The following ELP1 variants were observed in gnomAD, a reference collection of about 807,000 sequenced individuals.
ELP1 encodes elongator complex protein 1.
ELP1 carries 131 observed loss-of-function variants against 183.2 expected under a neutral mutation model. The observed-to-expected ratio is 0.72, with a 90% CI of 0.62 to 0.83. The LOEUF is 0.83. Among genes scored for constraint, ELP1 ranks in the 40% least tolerant of loss-of-function variants. The pLI is 0.00. For missense variants in ELP1, 1,550 were observed against 1,594.9 expected, an observed-to-expected ratio of 0.97 and a Z score of 0.48; for synonymous variants, 555 against 569.0, an observed-to-expected ratio of 0.98 and a Z score of 0.35.
intron 11 of ELP1, 63 bp downstream of exon 11, chr9:108,912,201 C>A: frequency 8.0e-7 from 1 of 1,251,484 alleles, no homozygotes; most frequent in Non-Finnish European, 1.2e-6. Context: ...CAAACCACCA[C>A]ATCTGCAGGC....
chr9:108,927,992 T>C (rs1829873319), intron 3 of ELP1, among the ~76,000 whole-genome samples: 1 of 152,146 alleles, frequency 6.6e-6, no homozygotes, highest in African/African-American at 2.4e-5. Flanking sequence ...GTAACTACAG[T>C]CAACAGTAAT....
At chr9:108,930,553 G>A (rs1340518886) in intron 2 of ELP1, among the ~76,000 whole-genome samples, 1 of 152,066 alleles carries the variant, frequency 6.6e-6, no homozygotes, top group Admixed American at 6.5e-5. Context: ...AGCCGGGCGC[G>A]GTGGCGGGCG....
chr9:108,912,299 G>A lies in ELP1; in HGVS notation c.1154C>T (p.Ser385Leu). 3 of 1,614,132 alleles carry A rather than the reference G, an allele frequency of 1.9e-6. No homozygotes were observed. Among genetic ancestry groups the A allele is most frequent in the Non-Finnish European group, 2.5e-6 (3 of 1,180,008 alleles). Residue 385 changes from serine (S) to leucine (L), a missense_variant, in exon 11 of 37, where the codon TCA becomes TTA. Coordinates refer to ENST00000374647, the MANE Select transcript of ELP1 (RefSeq NM_003640.5). ...WTTDRSVGDNSSDLSNVAVID... is the reference protein window; with the variant it reads ...WTTDRSVGDNLSDLSNVAVID... ...GACAGCCACATTGGACAAGTCACTT[G>A]AATTATCTCCCACGCTCCGGTCAGT... is the stretch of plus-strand genomic sequence containing the variant.
At chr9:108,891,003 T>G (rs1037832802) in intron 28 of ELP1, among the ~76,000 whole-genome samples, 200 bp downstream of exon 28, 1 of 152,196 alleles carries the variant, frequency 6.6e-6, no homozygotes, top group Admixed American at 6.5e-5. Flanking sequence ...GAAATAAACT[T>G]CTTTCCATAT....
At chr9:108,925,333 T>C (rs1829792936) in intron 5 of ELP1, among the ~76,000 whole-genome samples, 1 of 152,228 alleles carries the variant, frequency 6.6e-6, no homozygotes, top group Non-Finnish European at 1.5e-5. Context: ...ACTCACATTC[T>C]GCCACTTCAG....
intron 19 of ELP1, 132 bp downstream of exon 19, chr9:108,900,128 A>G: frequency 1.2e-6 from 1 of 818,186 alleles, no homozygotes; most frequent in Middle Eastern, 2.9e-4. Context: ...GCTAACAGAA[A>G]ACTATCAAGG....
intron 2 of ELP1, 88 bp downstream of exon 2, chr9:108,930,909 T>C (rs1829982087): frequency 7.8e-7 from 1 of 1,273,954 alleles, no homozygotes; most frequent in Middle Eastern, 2.0e-4. Context: ...CAATAAGATA[T>C]AAAGAAAGAC....
rs373837396 is a variant in ELP1, at chr9:108,896,561, A to G, written c.2671T>C (p.Tyr891His). 9 of 1,613,806 alleles carry G rather than the reference A, an allele frequency of 5.6e-6. No homozygotes were observed. The highest frequency in any genetic ancestry group is 7.6e-6 in the Non-Finnish European group (9 of 1,179,772). The change falls in exon 25 of 37, where the codon TAT (tyrosine) becomes CAT (histidine). Residue 891 changes from tyrosine to histidine, a missense_variant. By Grantham distance (83) the Tyr-to-His change is moderately conservative. Transcript: ENST00000374647. ...LLHLVDVNEL[Y>H]DHSLGTYDFD... Reference sequence around the variant, plus strand: ...TCATAGGTGCCAAGAGAATGATCATATAATTCATTAACATCTACCAGATGC... The same window carrying G: ...TCATAGGTGCCAAGAGAATGATCATGTAATTCATTAACATCTACCAGATGC...
Position 108,906,405 on chromosome 9 carries a change from A to G in ELP1, c.1541T>C (p.Phe514Ser). Residue 514 changes from phenylalanine (F) to serine (S), a missense_variant, in exon 14 of 37, where the codon TTC (phenylalanine) becomes TCC (serine). Phe to Ser is a radical substitution (Grantham distance 155, BLOSUM62 -2). Transcript: ENST00000374647. ...GAACTCACTGTGGCTTACAGCCAGG[A>G]AGACGTCTTCTTCAATCCAAGTGAG... ...GLLTWIEEDVFLAVSHSEFSP... is the reference protein window; with the variant it reads ...GLLTWIEEDVSLAVSHSEFSP... 6.2e-7 allele frequency: 1 copy of G among 1,614,018 alleles called. No homozygotes were observed. Among genetic ancestry groups the G allele is most frequent in the East Asian group, 2.2e-5 (1 of 44,894 alleles).
chr9:108,920,980 T>G (rs1829624191), intron 6 of ELP1, among the ~76,000 whole-genome samples: 1 of 152,166 alleles, frequency 6.6e-6, no homozygotes, highest in Non-Finnish European at 1.5e-5. Flanking sequence ...TTTAACAAAG[T>G]ATGGAAAACT....
intron 1 of ELP1, among the ~76,000 whole-genome samples, chr9:108,933,032 T>C (rs765495747): frequency 5.9e-5 from 9 of 152,200 alleles, no homozygotes; most frequent in Non-Finnish European, 1.3e-4. Context: ...AGATCACCAA[T>C]ACGCTGATTA....
intron 12 of ELP1, among the ~76,000 whole-genome samples, chr9:108,909,249 A>T (rs1010124009): frequency 5.3e-5 from 8 of 152,108 alleles, no homozygotes; most frequent in Admixed American, 2.6e-4. Flanking sequence ...CATCTGATAG[A>T]TCATATTTAA....
chr9:108,932,914 T>C (rs574177635), intron 1 of ELP1, among the ~76,000 whole-genome samples: 1 of 152,300 alleles, frequency 6.6e-6, no homozygotes, highest in South Asian at 2.1e-4. Context: ...CAAAGGTCAA[T>C]CGTGGATTCT....
intron 3 of ELP1, among the ~76,000 whole-genome samples, chr9:108,929,125 C>T (rs1251719801): frequency 6.6e-6 from 1 of 152,212 alleles, no homozygotes; most frequent in Non-Finnish European, 1.5e-5. Flanking sequence ...AATACTCTAA[C>T]TTCTGTGACA....
In ELP1 at chr9:108,919,241, A is replaced by AT; in HGVS notation, c.649+11dup. On this transcript the variant is annotated intron_variant, in intron 7 of 36. Transcript: ENST00000374647. Reference sequence around the variant, plus strand: ...TTTTTTATTGTTGTTTAACTGCAATATATTTCCATACCTGTTTCTGGGCAA... The same window carrying AT: ...TTTTTTATTGTTGTTTAACTGCAATATTATTTCCATACCTGTTTCTGGGCAA... The AT allele has an allele frequency of 6.3e-7, 1 of 1,589,368 alleles. No homozygotes were observed. Among genetic ancestry groups the AT allele is most frequent in the Non-Finnish European group, 8.6e-7 (1 of 1,157,782 alleles).
chr9:108,872,804 GAAAAAAAAAAAAAAAAAAAA>G (rs58139943), intron 36 of ELP1, among the ~76,000 whole-genome samples: 19 of 83,376 alleles, frequency 2.3e-4, no homozygotes, highest in East Asian at 1.9e-3. Context: ...GACTCTGTCT[GAAAAAAAAAAAAAAAAAAAA>G]AAAAAAAAAA....
chr9:108,896,237 A>C (rs1385657525), intron 25 of ELP1, among the ~76,000 whole-genome samples: 1 of 152,164 alleles, frequency 6.6e-6, no homozygotes, highest in East Asian at 1.9e-4. Flanking sequence ...AGCCTGGGCG[A>C]CTGAGTGAGA....
chr9:108,876,754 G>A (rs1040744217), intron 35 of ELP1, among the ~76,000 whole-genome samples: 7 of 144,630 alleles, frequency 4.8e-5, no homozygotes, highest in Non-Finnish European at 9.0e-5. Flanking sequence ...TTTTTTAAAC[G>A]GAGATTCGCT....
intron 26 of ELP1, 43 bp from the exon 27 acceptor site, chr9:108,893,126 G>A (rs767835541): frequency 1.6e-5 from 22 of 1,358,256 alleles, no homozygotes; most frequent in South Asian, 7.0e-5. Flanking sequence ...TAAGACATGG[G>A]AAGCATAATG....
Sources: allele counts gnomAD v4.1 joint callset (sites outside exome capture counted in the v4.1 genomes callset), GRCh38; gene constraint gnomAD v4.1.1; transcripts MANE v1.5; gene names NCBI Gene and HGNC (gene_info 2026-07-23, HGNC 2026-07-21).